Variants in SHTN1 observed in about 807,000 individuals in gnomAD.
SHTN1 encodes the protein shootin 1, also known as shootin-1.
SHTN1 carries 42 observed loss-of-function variants against 83.1 expected under a neutral mutation model. The ratio of observed to expected loss-of-function variants is 0.51; its 90% CI spans 0.39 to 0.65. The LOEUF (loss-of-function observed/expected upper bound fraction) is 0.65. Among genes scored for constraint, SHTN1 ranks in the 30% least tolerant of loss-of-function variants. SHTN1 has a pLI of 0.00. For missense variants in SHTN1, 622 were observed against 737.8 expected, an observed-to-expected ratio of 0.84 and a Z score of 1.82; for synonymous variants, 224 against 247.7, an observed-to-expected ratio of 0.90 and a Z score of 0.90.
intron 8 of SHTN1, among the ~76,000 whole-genome samples, chr10:116,941,169 C>T (rs1464703658): frequency 6.6e-6 from 1 of 152,198 alleles, no homozygotes; most frequent in Non-Finnish European, 1.5e-5. Context: ...CAAGAACACA[C>T]GTAAGTGACA....
At chr10:116,896,468 C>T (rs761303735) in intron 16 of SHTN1, among the ~76,000 whole-genome samples, 13 of 152,050 alleles carry the variant, frequency 8.5e-5, no homozygotes, top group South Asian at 4.1e-4. Flanking sequence ...CTGTACTGCA[C>T]GACACTCTTT....
chr10:117,016,230 T>C (rs1852178265), intron 2 of SHTN1, among the ~76,000 whole-genome samples: 1 of 152,130 alleles, frequency 6.6e-6, no homozygotes. Flanking sequence ...ATAATACATA[T>C]GATGAACTAA....
chr10:116,905,280 T>G (rs545072169), intron 15 of SHTN1, among the ~76,000 whole-genome samples: 1 of 150,746 alleles, frequency 6.6e-6, no homozygotes, highest in Admixed American at 6.6e-5. Flanking sequence ...AAAGGATGAC[T>G]CAAGCACTGA....
upstream of SHTN1, among the ~76,000 whole-genome samples, chr10:117,005,776 C>G (rs969306411): frequency 3.9e-5 from 6 of 152,224 alleles, no homozygotes; most frequent in Non-Finnish European, 5.9e-5. Flanking sequence ...CTAGCTTTCC[C>G]CCATCGCACC....
rs75439960 is a variant in SHTN1 at position 116,932,386 on chromosome 10, G to T, written c.859-2384C>A. On this transcript the variant is annotated intron_variant, in intron 9 of 16. Coordinates refer to ENST00000355371, the MANE Select transcript of SHTN1 (RefSeq NM_001127211.3). ...CCCTATTGTGAACTGCACACGCGAG[G>T]GATCCAGGTTGGCCGCTCTTTATGA... 4.5e-3 allele frequency among the ~76,000 whole-genome samples: 684 copies of T among 152,254 alleles called. 9 individuals are homozygous for T. The highest frequency in any genetic ancestry group is 5.8e-3 in the Non-Finnish European group (394 of 68,008).
At position 116,952,000 on chromosome 10, in the gene SHTN1, C is replaced by A; in HGVS notation, c.443G>T (p.Arg148Leu). 1 of 1,485,640 alleles carries A rather than the reference C, an allele frequency of 6.7e-7. No homozygotes were observed. Among genetic ancestry groups the A allele is most frequent in the South Asian group, 1.6e-5 (1 of 64,482 alleles). 92.0% of individuals were successfully genotyped at this position (1,485,640 alleles called of 1,614,324 possible). The change falls in exon 6 of 17, where the codon CGA becomes CTA. Residue 148 changes from arginine (R) to leucine (L), a missense_variant. Arg to Leu is a moderately radical substitution (Grantham distance 102). Coordinates refer to ENST00000355371, the MANE Select transcript of SHTN1 (RefSeq NM_001127211.3). ...VQCQKQIKEL[R>L]DQIVSVQEEK... is the part of the protein sequence containing the mutation. ...CTCCTGAACAGATACAATTTGATCT[C>A]GAAGTTCTGCATTTTTAAAGAAAAA...
chr10:116,917,705 C>G (rs1336220817), intron 12 of SHTN1, among the ~76,000 whole-genome samples: 1 of 152,146 alleles, frequency 6.6e-6, no homozygotes, highest in Non-Finnish European at 1.5e-5. Context: ...TTCAAATCTG[C>G]TACAGCATCT....
intron 14 of SHTN1, chr10:116,908,007 CA>C (rs375771157): frequency 5.6e-5 from 25 of 450,070 alleles, no homozygotes; most frequent in Admixed American, 1.0e-4. Flanking sequence ...GCATGTAAAA[CA>C]AAAAAAAGGT....
At chr10:116,911,574 C>A (rs1215889291) in intron 14 of SHTN1, 1 of 1,550,802 alleles carries the variant, frequency 6.4e-7, no homozygotes. Context: ...AAAGTGTAAC[C>A]ACTCTTTTAG....
chr10:117,059,933 G>T (rs1431451708), intron 1 of SHTN1, among the ~76,000 whole-genome samples: 1 of 152,212 alleles, frequency 6.6e-6, no homozygotes, highest in Non-Finnish European at 1.5e-5. Flanking sequence ...AATATGGGCT[G>T]GGTGTGATGG....
chr10:117,086,401 G>A (rs566501128), intron 1 of SHTN1, among the ~76,000 whole-genome samples: 33 of 152,184 alleles, frequency 2.2e-4, no homozygotes, highest in African/African-American at 6.3e-4. Context: ...CACTCTGAGC[G>A]TCCTTGTCTT....
intron 1 of SHTN1, among the ~76,000 whole-genome samples, chr10:117,071,831 G>A (rs1376734657): frequency 6.6e-6 from 1 of 152,192 alleles, no homozygotes; most frequent in Admixed American, 6.5e-5. Context: ...CTAGAATCCT[G>A]TTGCAAATCC....
chr10:117,012,658 C>T (rs1686044295), intron 2 of SHTN1, among the ~76,000 whole-genome samples: 1 of 151,928 alleles, frequency 6.6e-6, no homozygotes, highest in African/African-American at 2.4e-5. Flanking sequence ...AAAAATGAGA[C>T]ACAAGAGAAA....
chr10:116,999,493 AG>A (rs1465677633), intron 1 of SHTN1, among the ~76,000 whole-genome samples: 2 of 152,222 alleles, frequency 1.3e-5, no homozygotes, highest in African/African-American at 4.8e-5. Flanking sequence ...ACGCCTAAAA[AG>A]TTTCCTTAGG....
chr10:117,101,473 C>T (rs1853592108), intron 1 of SHTN1, among the ~76,000 whole-genome samples: 2 of 152,088 alleles, frequency 1.3e-5, no homozygotes, highest in Non-Finnish European at 2.9e-5. Flanking sequence ...TCCAGGAAGC[C>T]AAAACATTAC....
chr10:117,081,111 C>A (rs1334515257), intron 1 of SHTN1, among the ~76,000 whole-genome samples: 1 of 149,374 alleles, frequency 6.7e-6, no homozygotes, highest in Non-Finnish European at 1.5e-5. Context: ...CTGTCTTGTG[C>A]CAGTTTTCAA....
chr10:116,985,903 C>CT (rs546843322), intron 1 of SHTN1, among the ~76,000 whole-genome samples: 2 of 152,284 alleles, frequency 1.3e-5, no homozygotes, highest in South Asian at 4.1e-4. Context: ...TCATTTGTAA[C>CT]TTACTTGTTA....
intron 1 of SHTN1, among the ~76,000 whole-genome samples, chr10:117,124,133 C>A (rs1047516987): frequency 6.6e-6 from 1 of 150,600 alleles, no homozygotes; most frequent in African/African-American, 2.4e-5. Flanking sequence ...GTCCCTTGAG[C>A]CTGGGAGGTT....
intron 16 of SHTN1, chr10:116,900,773 T>C (rs993692090): frequency 7.1e-6 from 7 of 984,904 alleles, no homozygotes; most frequent in East Asian, 2.3e-4. Flanking sequence ...AGGAAACACA[T>C]GACTACAGGA....
Sources: gnomAD v4.1 joint callset for allele counts (sites outside exome capture counted in the v4.1 genomes callset) on GRCh38, gnomAD v4.1.1 for gene constraint, MANE v1.5 for transcripts, NCBI Gene and HGNC (gene_info 2026-07-23, HGNC 2026-07-21) for gene names.